The following SLC24A2 variants were observed in gnomAD, a reference collection of about 807,000 sequenced individuals.
The protein encoded by SLC24A2 is sodium/potassium/calcium exchanger 2.
A neutral mutation model predicts 62.0 loss-of-function variants in SLC24A2; 36 were observed. That is an observed-to-expected ratio of 0.58 (90% CI 0.44 to 0.77). The LOEUF (loss-of-function observed/expected upper bound fraction) is 0.77, where lower values mean the gene tolerates loss of function less well. Among genes scored for constraint, SLC24A2 ranks in the 30% least tolerant of loss-of-function variants. The pLI is 0.00. For missense variants in SLC24A2, 846 were observed against 817.9 expected, an observed-to-expected ratio of 1.03 and a Z score of -0.42; for synonymous variants, 358 against 294.0, an observed-to-expected ratio of 1.22 and a Z score of -2.23.
intron 5 of SLC24A2, among the ~76,000 whole-genome samples, chr9:19,585,525 T>G (rs1406861850): frequency 6.6e-6 from 1 of 152,246 alleles, no homozygotes; most frequent in East Asian, 1.9e-4. Flanking sequence ...AACCAAGATC[T>G]GAGAACTATG....
At chr9:19,726,160 C>A (rs1356784528) in intron 2 of SLC24A2, among the ~76,000 whole-genome samples, 1 of 152,176 alleles carries the variant, frequency 6.6e-6, no homozygotes, top group Non-Finnish European at 1.5e-5. Flanking sequence ...TCCTCAAAAA[C>A]CAGTCTCCCT....
chr9:19,799,653 T>G, the SLC24A2 span, among the ~76,000 whole-genome samples: 25 of 152,296 alleles, frequency 1.6e-4, no homozygotes, highest in South Asian at 2.5e-3. Context: ...CTAACTGCAG[T>G]GAGAAAGCAC....
the SLC24A2 span, among the ~76,000 whole-genome samples, chr9:19,842,131 C>G: frequency 5.3e-5 from 8 of 152,164 alleles, no homozygotes; most frequent in Admixed American, 3.9e-4. Context: ...TCCTAGGAAG[C>G]ATACATATTC....
chr9:19,983,280 C>T, the SLC24A2 span, among the ~76,000 whole-genome samples: 1 of 152,134 alleles, frequency 6.6e-6, no homozygotes, highest in Non-Finnish European at 1.5e-5. Flanking sequence ...CATATACAGA[C>T]ACACAAAACC....
the SLC24A2 span, among the ~76,000 whole-genome samples, chr9:20,191,428 A>G: frequency 6.6e-6 from 1 of 152,046 alleles, no homozygotes; most frequent in East Asian, 1.9e-4. Context: ...ATGGGACCAT[A>G]ATCCTCACCA....
chr9:19,948,600 G>A, the SLC24A2 span, among the ~76,000 whole-genome samples: 1 of 152,178 alleles, frequency 6.6e-6, no homozygotes, highest in African/African-American at 2.4e-5. Context: ...GCTCACGCCT[G>A]TAATCCCAGC....
At chr9:20,268,323 C>T in the SLC24A2 span, among the ~76,000 whole-genome samples, 6 of 152,208 alleles carry the variant, frequency 3.9e-5, no homozygotes, top group East Asian at 1.9e-4. Context: ...ATGTCTCCTC[C>T]GAAAGTCATG....
At chr9:19,955,420 A>C in the SLC24A2 span, among the ~76,000 whole-genome samples, 2 of 151,406 alleles carry the variant, frequency 1.3e-5, no homozygotes, top group Admixed American at 6.6e-5. Context: ...GATGTTAGTA[A>C]GGGTTTTTGT....
chr9:19,619,762 C>T, intron 3 of SLC24A2, 70 bp from the exon 4 acceptor site: 1 of 1,156,376 alleles, frequency 8.6e-7, no homozygotes, highest in Non-Finnish European at 1.3e-6. Context: ...ACAAGATCCT[C>T]ACCTAGTCTG....
chr9:19,991,319 G>T, the SLC24A2 span, among the ~76,000 whole-genome samples: 250 of 152,252 alleles, frequency 1.6e-3, 1 homozygote, highest in African/African-American at 5.8e-3. Context: ...GAAGCATCCA[G>T]CATGGGAGAA....
rs538539958 is a variant in SLC24A2 at position 19,719,382 on chromosome 9, C to T, written c.930+66555G>A. 9.1e-4 allele frequency among the ~76,000 whole-genome samples: 138 copies of T among 152,226 alleles called. 1 individual carries two copies. The highest frequency in any genetic ancestry group is 3.1e-3 in the African/African-American group (130 of 41,492). ...ACTATTATTCTTGTTCTTGTCTGAC[C>T]TAGACTACTCCACATCATGTTTTGC... On this transcript the variant is annotated intron_variant, in intron 2 of 10. Transcript: ENST00000341998.
chr9:19,685,895 C>T lies in SLC24A2; in HGVS notation c.931-63596G>A, dbSNP rs1327863794. ...ATGATGAAGATGCCAAAAACAAATG[C>T]AACAAAAACAAAAATGGACAAATTG... On this transcript the variant is annotated intron_variant, in intron 2 of 10. Coordinates refer to ENST00000341998, the MANE Select transcript of SLC24A2 (RefSeq NM_020344.4). Among the ~76,000 whole-genome samples the T allele has an allele frequency of 2.0e-5, 3 of 151,950 alleles. No individual in the cohort carries two copies. In the South Asian group the frequency reaches 6.2e-4, roughly 31 times the overall value.
the SLC24A2 span, among the ~76,000 whole-genome samples, chr9:19,893,814 G>T: frequency 6.6e-6 from 1 of 152,070 alleles, no homozygotes; most frequent in African/African-American, 2.4e-5. Context: ...TTAGGGTCAG[G>T]CTTCCCAATT....
chr9:20,125,599 G>A, the SLC24A2 span, among the ~76,000 whole-genome samples: 1 of 152,124 alleles, frequency 6.6e-6, no homozygotes, highest in Non-Finnish European at 1.5e-5. Context: ...AGTAGGTAAT[G>A]TGTCCCCTCA....
chr9:20,288,550 T>C, the SLC24A2 span, among the ~76,000 whole-genome samples: 119,774 of 151,964 alleles, frequency 0.79, 48,009 homozygotes, highest in Middle Eastern at 0.95. Flanking sequence ...AGGTGGATCA[T>C]TTGAGGCCAG....
chr9:20,149,083 G>A, the SLC24A2 span, among the ~76,000 whole-genome samples: 4 of 151,960 alleles, frequency 2.6e-5, no homozygotes, highest in Non-Finnish European at 5.9e-5. Flanking sequence ...GCTTATATTT[G>A]TATCCAGGTT....
At chr9:20,078,445 T>C in the SLC24A2 span, among the ~76,000 whole-genome samples, 4 of 151,938 alleles carry the variant, frequency 2.6e-5, no homozygotes, top group Non-Finnish European at 5.9e-5. Context: ...CTTTTGACCA[T>C]CTCCCCACTG....
chr9:19,704,994 C>A (rs1820468894), intron 2 of SLC24A2, among the ~76,000 whole-genome samples: 1 of 152,066 alleles, frequency 6.6e-6, no homozygotes, highest in African/African-American at 2.4e-5. Flanking sequence ...GACCCAGCTG[C>A]TTTGTCAGAA....
chr9:19,820,082 T>TATATATATATATATATATATATATATAC, the SLC24A2 span, among the ~76,000 whole-genome samples: 1 of 133,614 alleles, frequency 7.5e-6, no homozygotes, highest in African/African-American at 2.8e-5. Flanking sequence ...TATATATATA[T>TATATATATATATATATATATATATATAC]ACAATGGAAT....
Sources: gnomAD v4.1 joint callset for allele counts (sites outside exome capture counted in the v4.1 genomes callset) on GRCh38, gnomAD v4.1.1 for gene constraint, MANE v1.5 for transcripts, NCBI Gene and HGNC (gene_info 2026-07-23, HGNC 2026-07-21) for gene names.